The following DEPDC1 variants were observed in gnomAD, a reference collection of about 807,000 sequenced individuals.
DEPDC1 encodes the protein DEP domain containing 1.
DEPDC1 carries 66 observed loss-of-function variants against 86.8 expected under a neutral mutation model. The ratio of observed to expected loss-of-function variants is 0.76; its 90% CI spans 0.62 to 0.93. DEPDC1 has a LOEUF of 0.93. Ranked by LOEUF, DEPDC1 falls within the 40% of genes least tolerant of loss-of-function variation. The pLI is 0.00. For synonymous variants in DEPDC1, 255 were observed against 314.9 expected, an observed-to-expected ratio of 0.81 and a Z score of 2.02; for missense variants, 792 against 935.7, an observed-to-expected ratio of 0.85 and a Z score of 2.00.
chr1:68,483,811 C>T (rs902516754), intron 7 of DEPDC1, 139 bp downstream of exon 7: 1 of 591,100 alleles, frequency 1.7e-6, no homozygotes. Context: ...TGAGTAACCT[C>T]GGAACCTTAT....
In DEPDC1 at chr1:68,494,647, G is replaced by A. The variant is rs753410132; in HGVS notation, c.97C>T (p.His33Tyr). 1.9e-6 allele frequency: 3 copies of A among 1,613,586 alleles called. No individual in the cohort carries two copies. Among genetic ancestry groups the A allele is most frequent in the Admixed American group, 1.7e-5 (1 of 60,002 alleles). Residue 33 changes from histidine (H) to tyrosine (Y), a missense_variant, in exon 2 of 12, where the codon CAC becomes TAC. By Grantham distance (83) the His-to-Tyr change is moderately conservative. Coordinates refer to ENST00000456315, the MANE Select transcript of DEPDC1 (RefSeq NM_001114120.3). ...SFRAGMPLRK[H>Y]RQHFKKYGNC... is the part of the protein sequence containing the mutation. Reference sequence around the variant, plus strand: ...CCATATTTTTTAAAGTGTTGTCTGTGTTTTCTTAGAGGCATTCCTGCTCGA... The same window carrying A: ...CCATATTTTTTAAAGTGTTGTCTGTATTTTCTTAGAGGCATTCCTGCTCGA...
At chr1:68,488,280 T>C (rs1646205840) in intron 5 of DEPDC1, 94 bp downstream of exon 5, 1 of 1,158,972 alleles carries the variant, frequency 8.6e-7, no homozygotes, top group Admixed American at 3.1e-5. Context: ...CATGAAAGTA[T>C]TCTACTTTCA....
Position 68,476,769 on chromosome 1 carries a change from C to A in DEPDC1, c.*163G>T. ...CTCTCAATTGAGATCTAGTTAGTTT[C>A]CTAAGAGTCTCACATTGATAACTAT... On this transcript the variant is annotated 3_prime_UTR_variant, in exon 12 of 12. Coordinates refer to ENST00000456315, the MANE Select transcript of DEPDC1 (RefSeq NM_001114120.3). 1 of 571,004 alleles carries A rather than the reference C, an allele frequency of 1.8e-6. No individual in the cohort carries two copies. The highest frequency in any genetic ancestry group is 2.9e-6 in the Non-Finnish European group (1 of 340,252). 35.4% of individuals were successfully genotyped at this position (571,004 alleles called of 1,614,324 possible). A position where few individuals can be genotyped will look rare whatever the true frequency, so the allele number is the denominator to read the frequency against.
chr1:68,489,002 G>A lies in DEPDC1; in HGVS notation c.504C>T (p.Ile168=), dbSNP rs1280883037. 2 of 1,605,260 alleles carry A rather than the reference G, an allele frequency of 1.2e-6. No individual in the cohort carries two copies. Among genetic ancestry groups the A allele is most frequent in the Non-Finnish European group, 1.7e-6 (2 of 1,174,926 alleles). ...CAATTGCATTTTCTTGATCTTCATT[G>A]ATTATTTCATGCTTTATTTTCTCGC... ...ENGEKIKHEI[I]NEDQENAIDN... The change falls in exon 4 of 12, where the codon ATC becomes ATT. Residue 168 remains isoleucine, a synonymous_variant. Transcript: ENST00000456315.
chr1:68,475,913 C>T lies in DEPDC1; in HGVS notation c.*1019G>A, dbSNP rs1276525011. 1.3e-5 allele frequency: 2 copies of T among 151,860 alleles called. No individual in the cohort carries two copies. The highest frequency in any genetic ancestry group is 1.9e-4 in the East Asian group (1 of 5,184). The allele number at this position is 151,860 out of a possible 1,614,324, so 9.4% of individuals were successfully genotyped here. ...AAAAATACTAATCCCTATACAACAT[C>T]CCCAAAATTCAGATTTAATTAGTGT... On this transcript the variant is annotated 3_prime_UTR_variant, in exon 12 of 12. Transcript: ENST00000456315.
chr1:68,484,795 A>G (rs2100257034), intron 6 of DEPDC1, among the ~76,000 whole-genome samples: 1 of 152,106 alleles, frequency 6.6e-6, no homozygotes, highest in Non-Finnish European at 1.5e-5. Context: ...TGTGCCTATT[A>G]AAAATACAAA....
At position 68,496,672 on chromosome 1, in the gene DEPDC1, C is replaced by CA. The variant is rs1646267715; in HGVS notation, c.48+279dup. The CA allele has an allele frequency of 2.6e-6, 1 of 384,986 alleles. No homozygotes were observed. The allele number at this position is 384,986 out of a possible 1,614,324, so 23.8% of individuals were successfully genotyped here. A position where few individuals can be genotyped will look rare whatever the true frequency, so the allele number is the denominator to read the frequency against. On this transcript the variant is annotated intron_variant, in intron 1 of 11. Transcript: ENST00000456315. This position sits in a 1 kb window ranked among gnomAD's most constrained non-coding sequence, Gnocchi z 4.0. ...AGACGCCCCCACGGGACGCCGGCCA[C>CA]ACCAGGCACAGGAGTCGCTCCTCAT...
chr1:68,482,102 A>G lies in DEPDC1; in HGVS notation c.1706T>C (p.Ile569Thr). ...TINKRLCKST[I>T]ELSENSLLPA... ...AAGTAAAGAATTTTCTGAAAGTTCT[A>G]TTGTACTTTTGCAGAGTCTTTTATT... is the stretch of plus-strand genomic sequence containing the variant. Residue 569 changes from isoleucine to threonine, a missense_variant, in exon 8 of 12, where the codon ATA (isoleucine) becomes ACA (threonine). Transcript: ENST00000456315. 1.2e-6 allele frequency: 2 copies of G among 1,608,102 alleles called. No homozygotes were observed. Among genetic ancestry groups the G allele is most frequent in the African/African-American group, 1.3e-5 (1 of 74,598 alleles).
chr1:68,494,009 G>A (rs1421856742), intron 2 of DEPDC1, among the ~76,000 whole-genome samples: 4 of 151,990 alleles, frequency 2.6e-5, no homozygotes, highest in Admixed American at 2.6e-4. Flanking sequence ...CCTGTTATTT[G>A]TCTGTTATTT....
rs768771763 is a variant in DEPDC1 at position 68,497,016 on chromosome 1, G to C, written c.-17C>G. On this transcript the variant is annotated 5_prime_UTR_variant, in exon 1 of 12. Coordinates refer to ENST00000456315, the MANE Select transcript of DEPDC1 (RefSeq NM_001114120.3). ...ACTCTCCATAGGTCTGTCAGCGCCC[G>C]GTGGCGTCCATGGCGGCGAAGGCGA... 2.5e-6 allele frequency: 4 copies of C among 1,610,762 alleles called. No individual in the cohort carries two copies. Among genetic ancestry groups the C allele is most frequent in the African/African-American group, 2.7e-5 (2 of 74,630 alleles).
At chr1:68,486,892 AC>A in intron 6 of DEPDC1, 44 bp downstream of exon 6, 1 of 1,427,306 alleles carries the variant, frequency 7.0e-7, no homozygotes, top group South Asian at 1.7e-5. Flanking sequence ...ACACACACAC[AC>A]ACACACACAC....
chr1:68,488,038 A>C (rs904080986), intron 5 of DEPDC1, among the ~76,000 whole-genome samples: 1 of 151,830 alleles, frequency 6.6e-6, no homozygotes, highest in African/African-American at 2.4e-5. Flanking sequence ...ACTTATCATT[A>C]ATCTTTAGCA....
chr1:68,490,698 T>G (rs549332956), intron 2 of DEPDC1, among the ~76,000 whole-genome samples: 6 of 152,194 alleles, frequency 3.9e-5, no homozygotes, highest in African/African-American at 1.2e-4. Flanking sequence ...ACAACTCATA[T>G]GGAACCAAAA....
intron 6 of DEPDC1, 24 bp downstream of exon 6, chr1:68,486,913 C>T (rs943801277): frequency 4.5e-6 from 7 of 1,572,244 alleles, no homozygotes; most frequent in Non-Finnish European, 6.0e-6. Flanking sequence ...CACACACACA[C>T]ACACACACAT....
Position 68,482,033 on chromosome 1 carries a change from G to T in DEPDC1, c.1762+13C>A, listed in dbSNP as rs1363479041. On this transcript the variant is annotated intron_variant, in intron 8 of 11. Transcript: ENST00000456315. ...AAAGTTAATATTGCATGCATTGAAA[G>T]CAACAGCCTTACTTTGTGTGCCAGT... is the stretch of plus-strand genomic sequence containing the variant. 1 of 1,553,736 alleles carries T rather than the reference G, an allele frequency of 6.4e-7. No homozygotes were observed. Among genetic ancestry groups the T allele is most frequent in the East Asian group, 2.2e-5 (1 of 44,476 alleles).
chr1:68,482,565 T>TA lies in DEPDC1; in HGVS notation c.1242dup (p.Asn415Ter), dbSNP rs1646164081. On this transcript the variant is annotated frameshift_variant, in exon 8 of 12. Coordinates refer to ENST00000456315, the MANE Select transcript of DEPDC1 (RefSeq NM_001114120.3). LOFTEE classifies it high-confidence loss of function. ...AAAGAACAGCACCTTGGTTTGCTGTTAGAGGATAGATCATGCATATTACTT... is the reference window on the plus strand; with the variant it reads ...AAAGAACAGCACCTTGGTTTGCTGTTAAGAGGATAGATCATGCATATTACTT... The TA allele has an allele frequency of 1.9e-6, 3 of 1,613,074 alleles. No individual in the cohort carries two copies. Among genetic ancestry groups the TA allele is most frequent in the African/African-American group, 1.3e-5 (1 of 74,884 alleles).
Position 68,486,917 on chromosome 1 carries a change from C to T in DEPDC1, c.769+20G>A, listed in dbSNP as rs1005631942. On this transcript the variant is annotated intron_variant, in intron 6 of 11. Transcript: ENST00000456315. Reference sequence around the variant, plus strand: ...ACACACACACACACACACACACACACACACATATATTTAACTTACAATTTG... The same window carrying T: ...ACACACACACACACACACACACACATACACATATATTTAACTTACAATTTG... The T allele has an allele frequency of 1.3e-6, 2 of 1,555,180 alleles. No homozygotes were observed. The highest frequency in any genetic ancestry group is 8.7e-7 in the Non-Finnish European group (1 of 1,145,880).
chr1:68,488,200 C>T (rs1300110750), intron 5 of DEPDC1, among the ~76,000 whole-genome samples, 174 bp downstream of exon 5: 1 of 151,730 alleles, frequency 6.6e-6, no homozygotes, highest in African/African-American at 2.4e-5. Context: ...TATACTAGCA[C>T]GAATAATACT....
rs1436563122 is a variant in DEPDC1, at chr1:68,482,750, T to TC, written c.1057dup (p.Glu353GlyfsTer11). 6.2e-7 allele frequency: 1 copy of TC among 1,612,600 alleles called. No homozygotes were observed. Among genetic ancestry groups the TC allele is most frequent in the Non-Finnish European group, 8.5e-7 (1 of 1,179,294 alleles). ...AGAATCTGATTCTTCTTTGTTTTTT[T>TC]CTCTATGAAGCAGACTGAGAAGAAG... On this transcript the variant is annotated frameshift_variant, in exon 8 of 12. Coordinates refer to ENST00000456315, the MANE Select transcript of DEPDC1 (RefSeq NM_001114120.3). LOFTEE classifies it high-confidence loss of function.
Sources: allele counts gnomAD v4.1 joint callset (sites outside exome capture counted in the v4.1 genomes callset), GRCh38; gene constraint gnomAD v4.1.1; non-coding constraint Gnocchi (gnomAD v3.1); transcripts MANE v1.5; gene names NCBI Gene and HGNC (gene_info 2026-07-23, HGNC 2026-07-21).